The following ATP8B1 variants were observed in gnomAD, a reference collection of about 807,000 sequenced individuals.
ATP8B1 encodes the protein ATPase phospholipid transporting 8B1, also known as phospholipid-transporting ATPase IC.
Under a neutral mutation model 149.9 loss-of-function variants are expected in ATP8B1, and 80 were observed. The observed-to-expected ratio is 0.53, with a 90% CI of 0.45 to 0.64. The LOEUF (loss-of-function observed/expected upper bound fraction) is 0.64, where lower values mean the gene tolerates loss of function less well. ATP8B1 is among the 30% of genes least tolerant of loss of function. The pLI, the probability that ATP8B1 is intolerant of heterozygous loss-of-function variation, is 0.00. For missense variants in ATP8B1, 1,247 were observed against 1,552.6 expected, an observed-to-expected ratio of 0.80 and a Z score of 3.31; for synonymous variants, 536 against 562.8, an observed-to-expected ratio of 0.95 and a Z score of 0.67.
chr18:57,681,942 A>G (rs1912000058), intron 15 of ATP8B1, among the ~76,000 whole-genome samples: 1 of 151,700 alleles, frequency 6.6e-6, no homozygotes, highest in African/African-American at 2.4e-5. Context: ...TATTCGTACA[A>G]CCCTTGACCT....
intron 1 of ATP8B1, among the ~76,000 whole-genome samples, chr18:57,751,905 G>T (rs931440761): frequency 6.6e-6 from 1 of 151,888 alleles, no homozygotes; most frequent in African/African-American, 2.4e-5. Flanking sequence ...TTCTAACAGA[G>T]TAAAAATCCA....
rs1568204575 is a variant in ATP8B1 at position 57,706,471 on chromosome 18, C to T, written c.279+19G>A. 6.2e-7 allele frequency: 1 copy of T among 1,602,972 alleles called. No individual in the cohort carries two copies. Among genetic ancestry groups the T allele is most frequent in the Non-Finnish European group, 8.5e-7 (1 of 1,170,196 alleles). On this transcript the variant is annotated intron_variant, in intron 3 of 27. Coordinates refer to ENST00000648908, the MANE Select transcript of ATP8B1 (RefSeq NM_001374385.1). Reference sequence around the variant, plus strand: ...AAACTGCATTTTAATGAAAACAATTCAGAAAGTTAACAACTCACCGCATAT... The same window carrying T: ...AAACTGCATTTTAATGAAAACAATTTAGAAAGTTAACAACTCACCGCATAT...
At chr18:57,654,204 G>A in intron 23 of ATP8B1, 129 bp from the exon 24 acceptor site, 1 of 872,856 alleles carries the variant, frequency 1.1e-6, no homozygotes. Context: ...TGGGGGTCTT[G>A]CTATGTTGCC....
intron 1 of ATP8B1, among the ~76,000 whole-genome samples, chr18:57,758,673 A>T (rs1242720476): frequency 6.7e-6 from 1 of 148,302 alleles, no homozygotes; most frequent in African/African-American, 2.5e-5. Flanking sequence ...AAAAAAAGAT[A>T]GTTGTATTTT....
At chr18:57,658,168 T>C (rs1910137599) in intron 22 of ATP8B1, among the ~76,000 whole-genome samples, 1 of 150,954 alleles carries the variant, frequency 6.6e-6, no homozygotes, top group Non-Finnish European at 1.5e-5. Flanking sequence ...TGCCTCAGGC[T>C]CCCGAGTGGC....
chr18:57,797,457 C>A (rs1416203327), intron 1 of ATP8B1, among the ~76,000 whole-genome samples: 4 of 152,214 alleles, frequency 2.6e-5, no homozygotes, highest in Non-Finnish European at 4.4e-5. Context: ...AGGTGACCCT[C>A]CCCTCCAGGA....
chr18:57,729,994 A>G (rs2079745055), intron 2 of ATP8B1, among the ~76,000 whole-genome samples: 2 of 152,144 alleles, frequency 1.3e-5, no homozygotes, highest in Admixed American at 1.3e-4. Flanking sequence ...AATGTTTGCT[A>G]TGGAAAGGTA....
chr18:57,725,947 A>C (rs1009789491), intron 2 of ATP8B1, among the ~76,000 whole-genome samples: 5 of 152,204 alleles, frequency 3.3e-5, no homozygotes, highest in African/African-American at 1.2e-4. Flanking sequence ...ACCCTGGGGA[A>C]GTCTGAGCAT....
intron 1 of ATP8B1, among the ~76,000 whole-genome samples, chr18:57,778,275 G>T (rs2080326536): frequency 6.7e-6 from 1 of 149,226 alleles, no homozygotes; most frequent in African/African-American, 2.5e-5. Context: ...GCCCAGGCTG[G>T]AGTGCAGTGG....
At chr18:57,775,059 A>G (rs953705599) in intron 1 of ATP8B1, among the ~76,000 whole-genome samples, 2 of 133,512 alleles carry the variant, frequency 1.5e-5, no homozygotes, top group African/African-American at 5.3e-5. Context: ...CATGCCTGTA[A>G]TCCCAACACT....
At position 57,706,474 on chromosome 18, in the gene ATP8B1, A is replaced by G. The variant is rs1372095298; in HGVS notation, c.279+16T>C. On this transcript the variant is annotated intron_variant, in intron 3 of 27. Coordinates refer to ENST00000648908, the MANE Select transcript of ATP8B1 (RefSeq NM_001374385.1). Reference sequence around the variant, plus strand: ...CTGCATTTTAATGAAAACAATTCAGAAAGTTAACAACTCACCGCATATTTA... The same window carrying G: ...CTGCATTTTAATGAAAACAATTCAGGAAGTTAACAACTCACCGCATATTTA... 1.9e-6 allele frequency: 3 copies of G among 1,605,508 alleles called. No individual in the cohort carries two copies. The highest frequency in any genetic ancestry group is 1.7e-6 in the Non-Finnish European group (2 of 1,172,398).
intron 1 of ATP8B1, among the ~76,000 whole-genome samples, chr18:57,777,638 G>T (rs1161735684): frequency 6.6e-6 from 1 of 151,758 alleles, no homozygotes; most frequent in Non-Finnish European, 1.5e-5. Context: ...GTGGGATCTC[G>T]GCTCACTGCA....
intron 27 of ATP8B1, among the ~76,000 whole-genome samples, chr18:57,649,218 C>CTATCTATCTATCTATCTATCT (rs1268349026): frequency 6.6e-6 from 1 of 151,842 alleles, no homozygotes; most frequent in East Asian, 1.9e-4. Flanking sequence ...ATCTATCTAT[C>CTATCTATCTATCTATCTATCT]TATATCGACA....
rs761969261 is a variant in ATP8B1 at position 57,652,578 on chromosome 18, A to T, written c.3167T>A (p.Leu1056Gln). 7.9e-5 allele frequency: 128 copies of T among 1,614,074 alleles called. No individual in the cohort carries two copies. Among genetic ancestry groups the T allele is most frequent in the Non-Finnish European group, 1.1e-4 (126 of 1,180,042 alleles). Residue 1056 changes from leucine to glutamine, a missense_variant, in exon 25 of 28, where the codon CTG becomes CAG. Physicochemically the swap from Leu to Gln is moderately radical, Grantham distance 113. This residue lies in a region of ATP8B1 where 230 missense variants were observed against 356.6 expected (regional missense o/e 0.65). Coordinates refer to ENST00000648908, the MANE Select transcript of ATP8B1 (RefSeq NM_001374385.1). ...CTCTCCATCCTGCCCTACGGTTTGC[A>T]GATAAGCTCCAAGAGGTATGAAGAA... ...ILFFIPLGAY[L>Q]QTVGQDGEAP...
chr18:57,651,971 T>C, intron 26 of ATP8B1, 63 bp downstream of exon 26: 11 of 1,555,280 alleles, frequency 7.1e-6, no homozygotes, highest in Non-Finnish European at 9.7e-6. Flanking sequence ...ACAGAAGTTA[T>C]GTCAAAATCT....
intron 4 of ATP8B1, among the ~76,000 whole-genome samples, chr18:57,703,706 G>A (rs904899594): frequency 6.6e-6 from 1 of 152,072 alleles, no homozygotes; most frequent in African/African-American, 2.4e-5. Flanking sequence ...CTCGGTTACA[G>A]CAACAGTTCT....
At chr18:57,758,378 C>T (rs551497950) in intron 1 of ATP8B1, among the ~76,000 whole-genome samples, 39 of 152,100 alleles carry the variant, frequency 2.6e-4, no homozygotes, top group South Asian at 1.7e-3. Context: ...CGGTGCCTCA[C>T]GCCTGTAATC....
rs117485992 is a variant in ATP8B1, at chr18:57,727,257, C to G, written c.181+4370G>C. 1.2e-4 allele frequency among the ~76,000 whole-genome samples: 19 copies of G among 152,116 alleles called. No individual in the cohort carries two copies. In the East Asian group the frequency reaches 3.7e-3, roughly 29 times the overall value. ...AGGTGGATGGTAATTTACAACCGAT[C>G]AGAGAAAGAAAGAAAATAAGTAGCC... On this transcript the variant is annotated intron_variant, in intron 2 of 27. Transcript: ENST00000648908.
chr18:57,685,422 A>G (rs970059885), intron 13 of ATP8B1, among the ~76,000 whole-genome samples: 7 of 152,116 alleles, frequency 4.6e-5, no homozygotes, highest in African/African-American at 1.7e-4. Context: ...TCAGTGCCCT[A>G]CCATCTTCAC....
Sources: gnomAD v4.1 joint callset for allele counts (sites outside exome capture counted in the v4.1 genomes callset) on GRCh38, gnomAD v4.1.1 for gene constraint, gnomAD v4.1.1 regional missense constraint, MANE v1.5 for transcripts, NCBI Gene and HGNC (gene_info 2026-07-23, HGNC 2026-07-21) for gene names.